ROBO2: variants seen among roughly 807,000 people sequenced by gnomAD.
ROBO2 encodes the protein roundabout guidance receptor 2, also known as roundabout homolog 2.
Under a neutral mutation model 160.8 loss-of-function variants are expected in ROBO2, and 53 were observed. The observed-to-expected ratio is 0.33, with a 90% confidence interval of 0.26 to 0.41. The LOEUF is 0.41. Among genes scored for constraint, ROBO2 ranks in the 10% least tolerant of loss-of-function variants. ROBO2 has a pLI of 1.00. For missense variants in ROBO2, 1,577 were observed against 1,722.4 expected (o/e 0.92, Z 1.49); for synonymous variants, 664 against 611.7 (o/e 1.09, Z -1.26).
At chr3:76,737,017 G>A (rs2093724116) in intron 2 of ROBO2, among the ~76,000 whole-genome samples, 1 of 152,152 alleles carries the variant, frequency 6.6e-6, no homozygotes, top group African/African-American at 2.4e-5. Flanking sequence ...TGTTTTGGGG[G>A]CAGGCTCTGC....
At chr3:76,400,118 G>A (rs1422324155) in intron 2 of ROBO2, among the ~76,000 whole-genome samples, 1 of 151,578 alleles carries the variant, frequency 6.6e-6, no homozygotes, top group Non-Finnish European at 1.5e-5. Context: ...TGTTTAGCTG[G>A]TACCCATGGT....
intron 2 of ROBO2, among the ~76,000 whole-genome samples, chr3:76,535,534 C>T (rs1320378675): frequency 2.0e-5 from 3 of 151,946 alleles, no homozygotes; most frequent in African/African-American, 4.8e-5. Context: ...GAAAAAGAGG[C>T]CTTGAATTGG....
At chr3:77,637,239 A>G (rs1469647173) in intron 24 of ROBO2, among the ~76,000 whole-genome samples, 1 of 152,214 alleles carries the variant, frequency 6.6e-6, no homozygotes, top group Non-Finnish European at 1.5e-5. Context: ...TCCTTAGCAC[A>G]CTTACACTTA....
At chr3:77,366,676 G>A (rs1435718040) in intron 2 of ROBO2, among the ~76,000 whole-genome samples, 2 of 152,024 alleles carry the variant, frequency 1.3e-5, no homozygotes, top group East Asian at 3.9e-4. Context: ...GCCAACATTT[G>A]CCTCTGATAA....
intron 2 of ROBO2, among the ~76,000 whole-genome samples, chr3:77,008,618 C>G (rs1398355090): frequency 6.6e-6 from 1 of 152,116 alleles, no homozygotes. Flanking sequence ...GACTTTACTT[C>G]ATATCTGAGA....
At chr3:76,495,766 A>C (rs2080115821) in intron 2 of ROBO2, among the ~76,000 whole-genome samples, 1 of 152,202 alleles carries the variant, frequency 6.6e-6, no homozygotes, top group South Asian at 2.1e-4. Context: ...CTATGTTATC[A>C]GAATACAAAA....
At chr3:76,090,423 C>CAAAACAAAAACA (rs367626610) in intron 2 of ROBO2, among the ~76,000 whole-genome samples, 1 of 151,692 alleles carries the variant, frequency 6.6e-6, no homozygotes, top group African/African-American at 2.4e-5. Context: ...GAGATCCTGT[C>CAAAACAAAAACA]AAAACAAAAA....
chr3:77,612,114 C>T (rs2094655429), intron 21 of ROBO2, among the ~76,000 whole-genome samples: 1 of 152,176 alleles, frequency 6.6e-6, no homozygotes, highest in Admixed American at 6.5e-5. Context: ...TATGATGCCT[C>T]ATAGTTCACT....
intron 2 of ROBO2, among the ~76,000 whole-genome samples, chr3:76,192,285 T>A (rs1313881097): frequency 6.6e-6 from 1 of 152,012 alleles, no homozygotes; most frequent in Non-Finnish European, 1.5e-5. Context: ...GACCTTCGAT[T>A]GGCTTACCAA....
intron 2 of ROBO2, among the ~76,000 whole-genome samples, chr3:76,868,444 T>A (rs1223686647): frequency 6.6e-6 from 1 of 152,220 alleles, no homozygotes; most frequent in African/African-American, 2.4e-5. Context: ...AAAACATACT[T>A]GTTACGTTCA....
At chr3:75,985,819 C>T (rs2065398808) in intron 2 of ROBO2, among the ~76,000 whole-genome samples, 1 of 151,534 alleles carries the variant, frequency 6.6e-6, no homozygotes, top group African/African-American at 2.4e-5. Flanking sequence ...TTGTTATTGG[C>T]TTATTTAATT....
intron 2 of ROBO2, among the ~76,000 whole-genome samples, chr3:77,194,273 T>A (rs1045159257): frequency 6.6e-6 from 1 of 152,192 alleles, no homozygotes; most frequent in African/African-American, 2.4e-5. Context: ...CTTCTTGTCA[T>A]TGGCCCCATT....
At chr3:76,077,014 T>C (rs1420735014) in intron 2 of ROBO2, among the ~76,000 whole-genome samples, 1 of 152,224 alleles carries the variant, frequency 6.6e-6, no homozygotes, top group Non-Finnish European at 1.5e-5. Flanking sequence ...ACTTCTCTAC[T>C]GCAACATTTT....
rs766492623 is a variant in ROBO2, at chr3:77,530,206, A to T, written c.934+7304A>T. On this transcript the variant is annotated intron_variant, in intron 6 of 25. Coordinates refer to ENST00000461745, the Ensembl canonical transcript of ROBO2. ...GTTCCAATATAAATTAGATGAAGAAATATGTACCAAGCATATAACGTTTAG... is the reference window on the plus strand; with the variant it reads ...GTTCCAATATAAATTAGATGAAGAATTATGTACCAAGCATATAACGTTTAG... Among the ~76,000 whole-genome samples the T allele has an allele frequency of 5.3e-5, 8 of 152,006 alleles. 1 individual carries two copies. The South Asian group carries it at 8.3e-4, about 16-fold the overall frequency.
intron 2 of ROBO2, among the ~76,000 whole-genome samples, chr3:76,564,234 T>A (rs1170152754): frequency 2.0e-5 from 3 of 152,216 alleles, no homozygotes. Context: ...AAGTGTGCTG[T>A]CATCTGAATA....
intron 2 of ROBO2, among the ~76,000 whole-genome samples, chr3:76,385,560 G>T (rs945348304): frequency 1.3e-5 from 2 of 152,102 alleles, no homozygotes; most frequent in South Asian, 4.1e-4. Flanking sequence ...TATGGAAAGC[G>T]TACCCGCAAA....
At chr3:77,029,199 A>G (rs1294860307) in intron 2 of ROBO2, among the ~76,000 whole-genome samples, 1 of 152,032 alleles carries the variant, frequency 6.6e-6, no homozygotes, top group Non-Finnish European at 1.5e-5. Flanking sequence ...GTGTGTGTGT[A>G]TTTATCAGTA....
At chr3:76,817,645 C>T (rs1342353060) in intron 2 of ROBO2, among the ~76,000 whole-genome samples, 1 of 151,688 alleles carries the variant, frequency 6.6e-6, no homozygotes, top group Non-Finnish European at 1.5e-5. Context: ...CCCTCAACCC[C>T]CTTGCACCCT....
chr3:76,854,422 T>C (rs1460674084), intron 2 of ROBO2, among the ~76,000 whole-genome samples: 3 of 152,178 alleles, frequency 2.0e-5, no homozygotes, highest in Non-Finnish European at 4.4e-5. Flanking sequence ...CCATAGATGT[T>C]AGCAAATTAT....
Sources: allele counts gnomAD v4.1 joint callset (sites outside exome capture counted in the v4.1 genomes callset), GRCh38; gene constraint gnomAD v4.1.1; transcripts MANE v1.5; gene names NCBI Gene and HGNC (gene_info 2026-07-23, HGNC 2026-07-21).